Variants in DPY19L3 observed in about 807,000 individuals in gnomAD.
DPY19L3 encodes the protein dpy-19 like C-mannosyltransferase 3.
A neutral mutation model predicts 92.3 loss-of-function variants in DPY19L3; 51 were observed. That is an observed-to-expected ratio of 0.55 (90% CI 0.44 to 0.70). The LOEUF (loss-of-function observed/expected upper bound fraction) is 0.70, where lower values mean the gene tolerates loss of function less well. Ranked by LOEUF, DPY19L3 falls within the 30% of genes least tolerant of loss-of-function variation. The pLI is 0.00. For missense variants in DPY19L3, 706 were observed against 855.9 expected (o/e 0.82, Z 2.18); for synonymous variants, 309 against 315.2 (o/e 0.98, Z 0.21).
At chr19:32,425,999 G>A (rs932053989) in intron 3 of DPY19L3, among the ~76,000 whole-genome samples, 4 of 152,220 alleles carry the variant, frequency 2.6e-5, no homozygotes, top group Non-Finnish European at 4.4e-5. Flanking sequence ...CCAATAGAAG[G>A]CTGTTTCATC....
chr19:32,462,880 G>A lies in DPY19L3; in HGVS notation c.1323-486G>A, dbSNP rs565481340. Among the ~76,000 whole-genome samples the A allele has an allele frequency of 2.6e-5, 4 of 152,184 alleles. No individual in the cohort carries two copies. The South Asian group carries it at 8.3e-4, about 32-fold the overall frequency. On this transcript the variant is annotated intron_variant, in intron 12 of 18. Transcript: ENST00000392250. The stretch of plus-strand genomic sequence containing the variant: ...TAATAATTTTAATGTAGCCGTATTT[G>A]GTAAAAGTCATCTTTTGGATATCAG...
intron 9 of DPY19L3, 21 bp from the exon 10 acceptor site, chr19:32,454,918 C>T: frequency 7.0e-7 from 1 of 1,420,550 alleles, no homozygotes; most frequent in Middle Eastern, 1.8e-4. Flanking sequence ...AGAATTAAAA[C>T]ATAACTCTTT....
chr19:32,475,695 C>T (rs1970485617), intron 16 of DPY19L3, among the ~76,000 whole-genome samples: 2 of 152,246 alleles, frequency 1.3e-5, no homozygotes, highest in African/African-American at 4.8e-5. Flanking sequence ...TAAAACCTTT[C>T]ACTAAGGAAT....
chr19:32,411,062 A>G (rs1968162501), intron 2 of DPY19L3, among the ~76,000 whole-genome samples, 177 bp from the exon 3 acceptor site: 1 of 152,248 alleles, frequency 6.6e-6, no homozygotes, highest in South Asian at 2.1e-4. Flanking sequence ...ACGGGGTAAC[A>G]GTTGTAATAG....
intron 3 of DPY19L3, among the ~76,000 whole-genome samples, chr19:32,415,853 G>A (rs559985047): frequency 3.3e-5 from 5 of 152,128 alleles, no homozygotes; most frequent in Non-Finnish European, 5.9e-5. Flanking sequence ...TGAATCCTAC[G>A]GTGAAAGTCA....
chr19:32,426,340 A>T (rs1222456259), intron 3 of DPY19L3, among the ~76,000 whole-genome samples: 1 of 152,150 alleles, frequency 6.6e-6, no homozygotes, highest in Non-Finnish European at 1.5e-5. Flanking sequence ...GCTGTTTTTC[A>T]TTCTTATCAT....
chr19:32,468,680 G>T, intron 15 of DPY19L3, 51 bp from the exon 16 acceptor site: 1 of 1,595,832 alleles, frequency 6.3e-7, no homozygotes, highest in South Asian at 1.1e-5. Flanking sequence ...AGTGATAGTT[G>T]TGGGTGTAGG....
At chr19:32,450,939 C>T (rs1227646230) in intron 8 of DPY19L3, among the ~76,000 whole-genome samples, 1 of 152,162 alleles carries the variant, frequency 6.6e-6, no homozygotes, top group Non-Finnish European at 1.5e-5. Context: ...AGGGATCTAT[C>T]CCTAAGGAAA....
At position 32,458,487 on chromosome 19, in the gene DPY19L3, G is replaced by C. The variant is rs780323469; in HGVS notation, c.1300G>C (p.Val434Leu). The C allele has an allele frequency of 6.2e-7, 1 of 1,610,606 alleles. No homozygotes were observed. Among genetic ancestry groups the C allele is most frequent in the Admixed American group, 1.7e-5 (1 of 59,322 alleles). The stretch of plus-strand genomic sequence containing the variant: ...GTCCATCACAGTGATTGTAGCATTC[G>C]TTGTTGCCTTTCATAATCTCAGGTA... Reference protein sequence around the residue: ...VLSITVIVAFVVAFHNLSDST... With the variant: ...VLSITVIVAFLVAFHNLSDST... Residue 434 changes from valine to leucine, a missense_variant, in exon 12 of 19, where the codon GTT (valine) becomes CTT (leucine). Val to Leu is a conservative substitution (Grantham distance 32). Transcript: ENST00000392250.
chr19:32,411,668 G>A (rs917845540), intron 3 of DPY19L3: 2 of 360,366 alleles, frequency 5.5e-6, no homozygotes, highest in Admixed American at 4.4e-5. Flanking sequence ...CGCAGGTTCA[G>A]GTGATTCTTC....
intron 8 of DPY19L3, among the ~76,000 whole-genome samples, chr19:32,446,940 C>T (rs1366027650): frequency 6.6e-6 from 1 of 152,082 alleles, no homozygotes; most frequent in Non-Finnish European, 1.5e-5. Context: ...AGAATACTTA[C>T]CAACAGACTA....
intron 16 of DPY19L3, 39 bp downstream of exon 16, chr19:32,468,852 CT>C: frequency 6.2e-7 from 1 of 1,601,716 alleles, no homozygotes; most frequent in Non-Finnish European, 8.5e-7. Flanking sequence ...TTTTAAGTGC[CT>C]TTTAAGAGTC....
At chr19:32,465,313 CA>C (rs1970167865) in intron 15 of DPY19L3, among the ~76,000 whole-genome samples, 1 of 152,158 alleles carries the variant, frequency 6.6e-6, no homozygotes, top group African/African-American at 2.4e-5. Context: ...GTTTCTGAAA[CA>C]GCATGAACTG....
chr19:32,441,066 C>A (rs1016305032), intron 8 of DPY19L3, among the ~76,000 whole-genome samples: 1 of 152,182 alleles, frequency 6.6e-6, no homozygotes, highest in African/African-American at 2.4e-5. Flanking sequence ...AACCTATACA[C>A]TCCTATAATC....
At chr19:32,448,407 T>TC (rs1300244305) in intron 8 of DPY19L3, among the ~76,000 whole-genome samples, 1 of 152,010 alleles carries the variant, frequency 6.6e-6, no homozygotes. Flanking sequence ...TGCCGATGTC[T>TC]CCCCCCAGCA....
At chr19:32,446,064 T>C (rs1369714874) in intron 8 of DPY19L3, among the ~76,000 whole-genome samples, 1 of 152,182 alleles carries the variant, frequency 6.6e-6, no homozygotes, top group Non-Finnish European at 1.5e-5. Context: ...TGTGGTTCTC[T>C]ATATGTAAAA....
intron 10 of DPY19L3, among the ~76,000 whole-genome samples, chr19:32,457,613 G>A (rs1407535544): frequency 6.6e-6 from 1 of 152,156 alleles, no homozygotes; most frequent in Non-Finnish European, 1.5e-5. Flanking sequence ...ATATTTGTCT[G>A]TCCACCCCTT....
chr19:32,452,020 G>A (rs1303669469), intron 8 of DPY19L3, among the ~76,000 whole-genome samples: 1 of 152,088 alleles, frequency 6.6e-6, no homozygotes, highest in South Asian at 2.1e-4. Flanking sequence ...ATAGAGACAC[G>A]GTCTCGCTAT....
In DPY19L3 at chr19:32,484,157, G is replaced by T. The variant is rs1462228950; in HGVS notation, c.*1917G>T. The T allele has an allele frequency of 6.6e-6, 1 of 152,266 alleles. No homozygotes were observed. The highest frequency in any genetic ancestry group is 6.6e-5 in the Admixed American group (1 of 15,262). The allele number at this position is 152,266 out of a possible 1,614,324, so 9.4% of individuals were successfully genotyped here. ...CATAGTTTAGGTGTCATTGTTGCCA[G>T]CACCTTTAGTGCTCAGTCTTCAGTG... On this transcript the variant is annotated 3_prime_UTR_variant, in exon 19 of 19. Coordinates refer to ENST00000392250, the MANE Select transcript of DPY19L3 (RefSeq NM_001172774.2).
Sources: allele counts gnomAD v4.1 joint callset (sites outside exome capture counted in the v4.1 genomes callset), GRCh38; gene constraint gnomAD v4.1.1; transcripts MANE v1.5; gene names NCBI Gene and HGNC (gene_info 2026-07-23, HGNC 2026-07-21).